The following PARD3B variants were observed in gnomAD, a reference collection of about 807,000 sequenced individuals.
The protein encoded by PARD3B is par-3 family cell polarity regulator beta.
A neutral mutation model predicts 130.2 loss-of-function variants in PARD3B; 103 were observed. That is an observed-to-expected ratio of 0.79 (90% CI 0.67 to 0.93). PARD3B has a LOEUF of 0.93. PARD3B is among the 40% of genes least tolerant of loss of function. PARD3B has a pLI of 0.00. For missense variants in PARD3B, 1,609 were observed against 1,499.2 expected (o/e 1.07, Z -1.21); for synonymous variants, 583 against 553.2 (o/e 1.05, Z -0.76).
intron 2 of PARD3B, among the ~76,000 whole-genome samples, chr2:204,946,983 C>T (rs572347304): frequency 2.0e-5 from 3 of 152,290 alleles, no homozygotes; most frequent in Admixed American, 6.5e-5. Context: ...CTTTTTATTT[C>T]TAGTCAGGCC....
At chr2:205,037,837 T>G (rs1698115753) in intron 3 of PARD3B, among the ~76,000 whole-genome samples, 1 of 152,052 alleles carries the variant, frequency 6.6e-6, no homozygotes, top group Non-Finnish European at 1.5e-5. Context: ...AATTAAAATA[T>G]TTTACTTATG....
chr2:205,138,467 G>T (rs2032679563), intron 10 of PARD3B, among the ~76,000 whole-genome samples: 1 of 152,040 alleles, frequency 6.6e-6, no homozygotes, highest in Non-Finnish European at 1.5e-5. Context: ...ATCTGAATTG[G>T]CATTGAAGAA....
chr2:204,761,253 C>T (rs1223406465), intron 2 of PARD3B, among the ~76,000 whole-genome samples: 1 of 152,174 alleles, frequency 6.6e-6, no homozygotes, highest in East Asian at 1.9e-4. Context: ...GTTTCATCAT[C>T]TTCTCAAACC....
At chr2:204,777,469 A>G (rs2041667996) in intron 2 of PARD3B, among the ~76,000 whole-genome samples, 1 of 151,996 alleles carries the variant, frequency 6.6e-6, no homozygotes, top group African/African-American at 2.4e-5. Flanking sequence ...GTTATTCTCT[A>G]CTCTTAGATC....
At chr2:204,711,057 G>A (rs1395961277) in intron 2 of PARD3B, among the ~76,000 whole-genome samples, 1 of 152,146 alleles carries the variant, frequency 6.6e-6, no homozygotes, top group Non-Finnish European at 1.5e-5. Flanking sequence ...TAATATTGAT[G>A]TTGTGGCCAT....
chr2:205,182,235 T>C (rs1165357994), intron 13 of PARD3B, among the ~76,000 whole-genome samples: 1 of 151,400 alleles, frequency 6.6e-6, no homozygotes, highest in Admixed American at 6.6e-5. Flanking sequence ...GAGTTTGCAG[T>C]GAGCCAAGAT....
chr2:205,248,380 TTGGTGGTGGTGGTGGTGGTGGTGG>T (rs751935440), intron 16 of PARD3B, among the ~76,000 whole-genome samples: 2 of 145,276 alleles, frequency 1.4e-5, no homozygotes, highest in African/African-American at 2.7e-5. Flanking sequence ...TCATTGGGAT[TTGGTGGTGGTGGTGGTGGTGGTGG>T]TGGTGGTGGT....
intron 3 of PARD3B, among the ~76,000 whole-genome samples, chr2:204,979,148 G>C (rs1384910443): frequency 6.6e-6 from 1 of 151,596 alleles, no homozygotes; most frequent in African/African-American, 2.4e-5. Flanking sequence ...GGAGCTTGCA[G>C]TGAGCCGAGA....
Position 204,606,304 on chromosome 2 carries a change from G to A in PARD3B, c.120+60185G>A, listed in dbSNP as rs138399036. On this transcript the variant is annotated intron_variant, in intron 1 of 22. Transcript: ENST00000406610. This position sits in a 1 kb window ranked among gnomAD's most constrained non-coding sequence, Gnocchi z 4.0. ...GCAGTAAGAATCTGGAAACCTCAGT[G>A]GCTTTAGTACTTTTTAGTACTAAGA... Among the ~76,000 whole-genome samples the A allele has an allele frequency of 3.9e-3, 588 of 152,206 alleles. 2 individuals are homozygous for A. The highest frequency in any genetic ancestry group is 0.014 in the African/African-American group (562 of 41,526).
intron 4 of PARD3B, among the ~76,000 whole-genome samples, chr2:205,086,514 A>T (rs183183320): frequency 6.6e-6 from 1 of 152,018 alleles, no homozygotes; most frequent in Non-Finnish European, 1.5e-5. Flanking sequence ...TTCTCTGTCA[A>T]TTTTTTTCCC....
At chr2:205,035,117 C>T (rs1453738884) in intron 3 of PARD3B, among the ~76,000 whole-genome samples, 2 of 152,108 alleles carry the variant, frequency 1.3e-5, no homozygotes, top group African/African-American at 2.4e-5. Flanking sequence ...CCCCCCTCAG[C>T]CTCCCAAAGT....
chr2:205,338,199 T>C (rs907956997), intron 18 of PARD3B, among the ~76,000 whole-genome samples: 2 of 151,030 alleles, frequency 1.3e-5, no homozygotes, highest in Admixed American at 1.3e-4. Context: ...GGTGTTTTTG[T>C]CATCTGTGAT....
At chr2:205,453,047 T>G (rs574567384) in intron 20 of PARD3B, among the ~76,000 whole-genome samples, 18 of 152,204 alleles carry the variant, frequency 1.2e-4, no homozygotes, top group Non-Finnish European at 2.1e-4. Flanking sequence ...GGAAGGTATA[T>G]GCAGAATTTC....
intron 22 of PARD3B, among the ~76,000 whole-genome samples, chr2:205,612,232 A>G (rs2055257500): frequency 6.6e-6 from 1 of 152,130 alleles, no homozygotes; most frequent in Non-Finnish European, 1.5e-5. Flanking sequence ...AGCTCACTGC[A>G]ACCTCTGCCT....
intron 20 of PARD3B, among the ~76,000 whole-genome samples, chr2:205,466,327 A>G (rs1195596718): frequency 1.3e-5 from 2 of 152,214 alleles, no homozygotes; most frequent in Non-Finnish European, 2.9e-5. Flanking sequence ...ATTCCTCTGC[A>G]GGTCAGAATA....
chr2:204,746,090 C>T (rs1295548151), intron 2 of PARD3B, among the ~76,000 whole-genome samples: 1 of 149,382 alleles, frequency 6.7e-6, no homozygotes, highest in Non-Finnish European at 1.5e-5. Context: ...ATTAACTCAT[C>T]ATTTAGCATT....
chr2:205,065,064 C>A (rs920319581), intron 4 of PARD3B, among the ~76,000 whole-genome samples: 1 of 152,178 alleles, frequency 6.6e-6, no homozygotes, highest in East Asian at 1.9e-4. Flanking sequence ...AGTGTAATAA[C>A]AGCATGGAGT....
At chr2:205,156,395 T>C (rs1035261818) in intron 10 of PARD3B, among the ~76,000 whole-genome samples, 1 of 151,624 alleles carries the variant, frequency 6.6e-6, no homozygotes, top group African/African-American at 2.4e-5. Flanking sequence ...ACATGTACCC[T>C]AAAACTTAAA....
At chr2:204,950,659 G>A (rs893977111) in intron 2 of PARD3B, among the ~76,000 whole-genome samples, 3 of 152,100 alleles carry the variant, frequency 2.0e-5, no homozygotes, top group Non-Finnish European at 2.9e-5. Context: ...CAGTTCTTTC[G>A]TATTTAAATG....
Sources: gnomAD v4.1 joint callset for allele counts (sites outside exome capture counted in the v4.1 genomes callset) on GRCh38, gnomAD v4.1.1 for gene constraint, Gnocchi (gnomAD v3.1) non-coding constraint, MANE v1.5 for transcripts, NCBI Gene and HGNC (gene_info 2026-07-23, HGNC 2026-07-21) for gene names.